SMYD1: variants seen among roughly 807,000 people sequenced by gnomAD.
The protein encoded by SMYD1 is histone-lysine N-methyltransferase SMYD1.
A neutral mutation model predicts 54.0 loss-of-function variants in SMYD1; 49 were observed. That is an observed-to-expected ratio of 0.91 (90% CI 0.72 to 1.15). The LOEUF (loss-of-function observed/expected upper bound fraction) is 1.15. Among genes scored for constraint, SMYD1 ranks in the 50% most tolerant of loss-of-function variants. The probability of loss-of-function intolerance (pLI) is 0.00; values close to 1 mark genes in which losing one functional copy is unlikely to be tolerated. For synonymous variants in SMYD1, 269 were observed against 234.2 expected (o/e 1.15, Z -1.36); for missense variants, 653 against 639.6 (o/e 1.02, Z -0.23).
rs143537322 is a variant in SMYD1 at position 88,096,878 on chromosome 2, G to A, written c.888+94G>A. 12,804 of 1,287,934 alleles carry A rather than the reference G, an allele frequency of 9.9e-3. 93 individuals are homozygous for A. Among genetic ancestry groups the A allele is most frequent in the Non-Finnish European group, 0.012 (11,229 of 941,248 alleles). The allele number at this position is 1,287,934 out of a possible 1,614,324, so 79.8% of individuals were successfully genotyped here. On this transcript the variant is annotated intron_variant, in intron 6 of 9. Transcript: ENST00000419482. ...CAGCTAATCCGTGTGCCCTGCCCATGAGCTTCCTAGGGAGCAACTGTCACC... is the reference window on the plus strand; with the variant it reads ...CAGCTAATCCGTGTGCCCTGCCCATAAGCTTCCTAGGGAGCAACTGTCACC...
chr2:88,100,497 A>C (rs1430979951), intron 6 of SMYD1, among the ~76,000 whole-genome samples: 4 of 152,208 alleles, frequency 2.6e-5, no homozygotes, highest in Non-Finnish European at 5.9e-5. Context: ...TAGGGGTCAT[A>C]CACTATACAT....
chr2:88,086,026 T>G (rs913176153), intron 2 of SMYD1, among the ~76,000 whole-genome samples: 1 of 152,224 alleles, frequency 6.6e-6, no homozygotes, highest in Admixed American at 6.5e-5. Context: ...TTTAGTGTCT[T>G]GACTGTGTAG....
intron 3 of SMYD1, 134 bp from the exon 4 acceptor site, chr2:88,090,878 T>C (rs1674445143): frequency 5.2e-6 from 5 of 960,432 alleles, no homozygotes; most frequent in Non-Finnish European, 7.7e-6. Context: ...GGAGACTAAT[T>C]GTTCTGTGTC....
intron 1 of SMYD1, among the ~76,000 whole-genome samples, chr2:88,076,242 T>G (rs1674058950): frequency 6.6e-6 from 1 of 152,062 alleles, no homozygotes; most frequent in Non-Finnish European, 1.5e-5. Flanking sequence ...TGAGACAGAG[T>G]CTCGCTCTGT....
At chr2:88,103,346 T>C (rs1343732122) in intron 7 of SMYD1, among the ~76,000 whole-genome samples, 196 bp downstream of exon 7, 1 of 152,162 alleles carries the variant, frequency 6.6e-6, no homozygotes, top group Admixed American at 6.5e-5. Context: ...AGGGGTGCGT[T>C]CTCAGTGACT....
intron 6 of SMYD1, among the ~76,000 whole-genome samples, chr2:88,102,818 G>T (rs894198): frequency 0.11 from 17,191 of 152,168 alleles, 1,061 homozygotes; most frequent in Middle Eastern, 0.18. Flanking sequence ...TGCACAGGCT[G>T]GGATGATTGG....
chr2:88,074,464 G>T (rs954312633), intron 1 of SMYD1, among the ~76,000 whole-genome samples: 1 of 152,112 alleles, frequency 6.6e-6, no homozygotes, highest in Admixed American at 6.5e-5. Flanking sequence ...CTTGTCTCAA[G>T]GTCTTTAACT....
chr2:88,076,352 C>G (rs975000584), intron 1 of SMYD1, among the ~76,000 whole-genome samples: 3 of 152,146 alleles, frequency 2.0e-5, no homozygotes, highest in African/African-American at 7.2e-5. Context: ...GTAGCTGGGA[C>G]TACAGGCGCC....
Position 88,111,978 on chromosome 2 carries a change from T to C in SMYD1, c.*1466T>C. On this transcript the variant is annotated 3_prime_UTR_variant, in exon 10 of 10. Transcript: ENST00000419482. ...TGTTAGCTTCTCCATCCTCACCACA[T>C]GATGACCTGCTGTGTCCCTCTGAGC... 4.4e-6 allele frequency: 3 copies of C among 689,164 alleles called. No homozygotes were observed. Among genetic ancestry groups the C allele is most frequent in the Non-Finnish European group, 8.0e-6 (3 of 376,352 alleles). 42.7% of individuals were successfully genotyped at this position (689,164 alleles called of 1,614,324 possible).
intron 1 of SMYD1, among the ~76,000 whole-genome samples, chr2:88,079,870 C>T (rs1344613843): frequency 6.6e-6 from 1 of 152,166 alleles, no homozygotes; most frequent in Non-Finnish European, 1.5e-5. Context: ...TTGTTACCAC[C>T]ATGTACCAGC....
intron 6 of SMYD1, among the ~76,000 whole-genome samples, chr2:88,098,283 T>C (rs1030668466): frequency 7.2e-5 from 11 of 152,236 alleles, no homozygotes; most frequent in Non-Finnish European, 1.6e-4. Context: ...ATCATTTCTT[T>C]AGATTTTTTG....
At position 88,110,234 on chromosome 2, in the gene SMYD1, T is replaced by TGG. The variant is rs35206605; in HGVS notation, c.1315-120_1315-119insGG. On this transcript the variant is annotated intron_variant, in intron 9 of 9. Transcript: ENST00000419482. ...GTGTGTGTGTGTGTGTGTGTGTGTG[T>TGG]ATTCTGAGGGGGTAGAGTTGAATCT... is the stretch of plus-strand genomic sequence containing the variant. The TGG allele has an allele frequency of 1.1e-5, 11 of 1,021,382 alleles. No homozygotes were observed. In the African/African-American group the frequency reaches 1.3e-4, roughly 12 times the overall value. 63.3% of individuals were successfully genotyped at this position (1,021,382 alleles called of 1,614,324 possible). A position where few individuals can be genotyped will look rare whatever the true frequency, so the allele number is the denominator to read the frequency against.
intron 5 of SMYD1, among the ~76,000 whole-genome samples, chr2:88,094,649 G>A (rs1319158065): frequency 1.3e-5 from 2 of 152,152 alleles, no homozygotes; most frequent in Non-Finnish European, 2.9e-5. Flanking sequence ...AGTTAATTTG[G>A]TTTTGAAAAA....
At position 88,106,927 on chromosome 2, in the gene SMYD1, G is replaced by A. The variant is rs191113853; in HGVS notation, c.1145+439G>A. Among the ~76,000 whole-genome samples the A allele has an allele frequency of 1.9e-3, 296 of 152,250 alleles. 1 individual carries two copies. Among genetic ancestry groups the A allele is most frequent in the South Asian group, 0.015 (72 of 4,822 alleles). ...AAAAATTGTAAAATTCTGGCCAGGC[G>A]CGGTGGCTCACGCCTGTAATCCCAG... On this transcript the variant is annotated intron_variant, in intron 8 of 9. Coordinates refer to ENST00000419482, the MANE Select transcript of SMYD1 (RefSeq NM_198274.4).
At chr2:88,096,862 C>T (rs1460602184) in intron 6 of SMYD1, 78 bp downstream of exon 6, 12 of 1,437,784 alleles carry the variant, frequency 8.3e-6, no homozygotes, top group Admixed American at 6.1e-5. Flanking sequence ...ACAGCTAATC[C>T]GTGTGCCCTG....
rs1331037676 is a variant in SMYD1, at chr2:88,084,496, A to G, written c.314+4A>G. The G allele has an allele frequency of 1.3e-6, 2 of 1,570,584 alleles. No individual in the cohort carries two copies. The highest frequency in any genetic ancestry group is 1.7e-6 in the Non-Finnish European group (2 of 1,145,752). Reference sequence around the variant, plus strand: ...AGGTGCCCAATGAGAACATCAGGTGAGAGCTGGGCACCCTGGTGGTGCTTC... The same window carrying G: ...AGGTGCCCAATGAGAACATCAGGTGGGAGCTGGGCACCCTGGTGGTGCTTC... On this transcript the variant is annotated splice_donor_region_variant and intron_variant, in intron 2 of 9. Coordinates refer to ENST00000419482, the MANE Select transcript of SMYD1 (RefSeq NM_198274.4).
chr2:88,080,553 A>G (rs538777682), intron 1 of SMYD1, among the ~76,000 whole-genome samples: 1 of 152,168 alleles, frequency 6.6e-6, no homozygotes, highest in Non-Finnish European at 1.5e-5. Context: ...GTTACAAGGG[A>G]CAGACAGCAT....
At chr2:88,068,468 GAGTATCACCCAATCCC>G (rs1673878812) in intron 1 of SMYD1, among the ~76,000 whole-genome samples, 1 of 152,080 alleles carries the variant, frequency 6.6e-6, no homozygotes, top group African/African-American at 2.4e-5. Flanking sequence ...TGAAAAATCT[GAGTATCACCCAATCCC>G]AGTCCCCTCT....
chr2:88,077,338 C>T (rs1431839049), intron 1 of SMYD1, among the ~76,000 whole-genome samples: 5 of 152,234 alleles, frequency 3.3e-5, no homozygotes, highest in Non-Finnish European at 5.9e-5. Flanking sequence ...GGCTGCAGGC[C>T]AAGCAGGTGG....
Sources: gnomAD v4.1 joint callset for allele counts (sites outside exome capture counted in the v4.1 genomes callset) on GRCh38, gnomAD v4.1.1 for gene constraint, MANE v1.5 for transcripts, NCBI Gene and HGNC (gene_info 2026-07-23, HGNC 2026-07-21) for gene names.